The following KLHDC1 variants were observed in gnomAD, a reference collection of about 807,000 sequenced individuals.
The protein encoded by KLHDC1 is kelch domain containing 1, also known as kelch domain-containing protein 1.
Under a neutral mutation model 68.3 loss-of-function variants are expected in KLHDC1, and 53 were observed. That is an observed-to-expected ratio of 0.78 (90% CI 0.62 to 0.98). KLHDC1 has a LOEUF of 0.98. Ranked by LOEUF, KLHDC1 falls within the 50% of genes least tolerant of loss-of-function variation. The probability of loss-of-function intolerance (pLI) is 0.00; values close to 1 mark genes in which losing one functional copy is unlikely to be tolerated. For synonymous variants in KLHDC1, 148 were observed against 159.0 expected (o/e 0.93, Z 0.52); for missense variants, 470 against 492.3 (o/e 0.95, Z 0.43).
In KLHDC1 at chr14:49,699,035, G is replaced by T. The variant is rs553808720; in HGVS notation, c.96+5745G>T. 4.0e-5 allele frequency among the ~76,000 whole-genome samples: 6 copies of T among 151,462 alleles called. No individual in the cohort carries two copies. In the South Asian group the frequency reaches 1.3e-3, roughly 32 times the overall value. On this transcript the variant is annotated intron_variant, in intron 1 of 12. Transcript: ENST00000359332. Reference sequence around the variant, plus strand: ...AAAAAATAGCCAGGCGTGGTGGCACGTGCCTGTAATCCCAGCTAATCTGGA... The same window carrying T: ...AAAAAATAGCCAGGCGTGGTGGCACTTGCCTGTAATCCCAGCTAATCTGGA...
Position 49,711,257 on chromosome 14 carries a change from A to G in KLHDC1, c.404+876A>G, listed in dbSNP as rs1336464468. Reference sequence around the variant, plus strand: ...CGCTCTGTCGCCTAGGCTGGAGCGCAGTGGCGCAATCTCGGCTCACTGCAA... The same window carrying G: ...CGCTCTGTCGCCTAGGCTGGAGCGCGGTGGCGCAATCTCGGCTCACTGCAA... On this transcript the variant is annotated intron_variant, in intron 4 of 12. Coordinates refer to ENST00000359332, the MANE Select transcript of KLHDC1 (RefSeq NM_172193.3). Among the ~76,000 whole-genome samples the G allele has an allele frequency of 2.6e-5, 4 of 152,210 alleles. No individual in the cohort carries two copies. The East Asian group carries it at 5.8e-4, about 22-fold the overall frequency.
intron 1 of KLHDC1, among the ~76,000 whole-genome samples, chr14:49,701,696 T>C (rs1887911354): frequency 6.6e-6 from 1 of 151,630 alleles, no homozygotes; most frequent in Non-Finnish European, 1.5e-5. Context: ...AAAACTGATT[T>C]TTAAACACCA....
chr14:49,727,109 G>A (rs138930091), intron 6 of KLHDC1, among the ~76,000 whole-genome samples: 1,679 of 152,176 alleles, frequency 0.011, 18 homozygotes, highest in Non-Finnish European at 0.016. Context: ...TTAGCTGGGC[G>A]TGGCGGCATG....
At chr14:49,715,053 AT>A (rs1238212766) in intron 4 of KLHDC1, among the ~76,000 whole-genome samples, 1 of 147,522 alleles carries the variant, frequency 6.8e-6, no homozygotes, top group African/African-American at 2.5e-5. Context: ...CTTAATATAT[AT>A]TATATATGTT....
At chr14:49,745,958 G>C (rs989363055) in intron 12 of KLHDC1, among the ~76,000 whole-genome samples, 1 of 152,154 alleles carries the variant, frequency 6.6e-6, no homozygotes, top group African/African-American at 2.4e-5. Flanking sequence ...AAAATTGAAG[G>C]GATATGTGAC....
chr14:49,747,748 A>G (rs1227503814), intron 12 of KLHDC1, among the ~76,000 whole-genome samples: 1 of 152,138 alleles, frequency 6.6e-6, no homozygotes, highest in Admixed American at 6.6e-5. Context: ...TGTCTGCGGG[A>G]TATATAACAA....
chr14:49,744,521 G>A (rs897672243), intron 12 of KLHDC1, among the ~76,000 whole-genome samples: 1 of 151,904 alleles, frequency 6.6e-6, no homozygotes, highest in African/African-American at 2.4e-5. Flanking sequence ...GTGGGGATCG[G>A]TTCCAGGAAA....
At chr14:49,722,401 G>T (rs866121212) in intron 4 of KLHDC1, among the ~76,000 whole-genome samples, 6 of 152,142 alleles carry the variant, frequency 3.9e-5, no homozygotes, top group Non-Finnish European at 5.9e-5. Flanking sequence ...TTGCTGAGAA[G>T]GATGGTTTCC....
chr14:49,723,961 GT>G lies in KLHDC1; in HGVS notation c.483+10del. 6.5e-7 allele frequency: 1 copy of G among 1,528,778 alleles called. No homozygotes were observed. The highest frequency in any genetic ancestry group is 9.0e-7 in the Non-Finnish European group (1 of 1,108,842). 94.7% of individuals were successfully genotyped at this position (1,528,778 alleles called of 1,614,324 possible). A position where few individuals can be genotyped will look rare whatever the true frequency, so the allele number is the denominator to read the frequency against. On this transcript the variant is annotated intron_variant, in intron 5 of 12. Transcript: ENST00000359332. ...TTCATGATGCATCTTGGGTAAGATA[GT>G]AATCACTGTTTACATTTTCCTCCAA...
intron 3 of KLHDC1, among the ~76,000 whole-genome samples, 165 bp downstream of exon 3, chr14:49,709,991 C>T (rs1888157271): frequency 6.6e-6 from 1 of 152,112 alleles, no homozygotes; most frequent in South Asian, 2.1e-4. Context: ...CTGCTCTTCT[C>T]TTCTTCTGTG....
intron 4 of KLHDC1, among the ~76,000 whole-genome samples, chr14:49,714,921 C>T (rs1888330516): frequency 6.9e-6 from 1 of 145,092 alleles, no homozygotes; most frequent in African/African-American, 2.5e-5. Flanking sequence ...ACTTTATTTC[C>T]ATATATATGG....
intron 12 of KLHDC1, 120 bp downstream of exon 12, chr14:49,743,925 CACATCTTCCTAA>C: frequency 1.7e-6 from 1 of 606,056 alleles, no homozygotes; most frequent in Non-Finnish European, 2.9e-6. Flanking sequence ...AGAATATGTT[CACATCTTCCTAA>C]GAGTATAATC....
intron 1 of KLHDC1, among the ~76,000 whole-genome samples, chr14:49,695,447 A>G (rs998910430): frequency 6.6e-5 from 10 of 152,178 alleles, no homozygotes; most frequent in African/African-American, 1.2e-4. Flanking sequence ...TGTGTTGTCA[A>G]TGAGCAGTGA....
At position 49,728,975 on chromosome 14, in the gene KLHDC1, G is replaced by C; in HGVS notation, c.617G>C (p.Gly206Ala). 6.2e-7 allele frequency: 1 copy of C among 1,613,782 alleles called. No homozygotes were observed. Among genetic ancestry groups the C allele is most frequent in the Non-Finnish European group, 8.5e-7 (1 of 1,179,710 alleles). Residue 206 changes from glycine to alanine, a missense_variant, in exon 7 of 13, where the codon GGA becomes GCA. Gly to Ala is a moderately conservative substitution (Grantham distance 60, BLOSUM62 0). Transcript: ENST00000359332. ...PRAAHTCAVL[G>A]NKGYIFGGRV... ...GCCGCGCATACATGTGCAGTTCTTG[G>C]AAATAAGGGTTATATCTTTGGCGGA...
In KLHDC1 at chr14:49,733,404, A is replaced by G. The variant is rs547756628; in HGVS notation, c.823+588A>G. ...TTGACTTCTTAATTTGGCATGTTAG[A>G]TGTTTTATGTTTTCTATTTTCTTTT... On this transcript the variant is annotated intron_variant, in intron 9 of 12. Coordinates refer to ENST00000359332, the MANE Select transcript of KLHDC1 (RefSeq NM_172193.3). Among the ~76,000 whole-genome samples, 7 of 150,816 alleles carry G rather than the reference A, an allele frequency of 4.6e-5. No individual in the cohort carries two copies. In the East Asian group the frequency reaches 7.8e-4, roughly 17 times the overall value.
In KLHDC1 at chr14:49,739,748, G is replaced by A. The variant is rs866127471; in HGVS notation, c.897-350G>A. ...TATAAAAATATTGAAGGATATAGTA[G>A]AGTTATTAAGAGTCGTCTCTGGCTG... is the stretch of plus-strand genomic sequence containing the variant. On this transcript the variant is annotated intron_variant, in intron 10 of 12. Transcript: ENST00000359332. Among the ~76,000 whole-genome samples, 35 of 152,252 alleles carry A rather than the reference G, an allele frequency of 2.3e-4. No individual in the cohort carries two copies. In the Middle Eastern group the frequency reaches 0.014, roughly 59 times the overall value.
chr14:49,699,524 T>G (rs1429097540), intron 1 of KLHDC1, among the ~76,000 whole-genome samples: 3 of 152,166 alleles, frequency 2.0e-5, no homozygotes, highest in African/African-American at 7.2e-5. Context: ...TAAAAGGCCC[T>G]GGGATCTGGT....
chr14:49,722,467 A>G (rs914265435), intron 4 of KLHDC1, among the ~76,000 whole-genome samples: 1 of 152,176 alleles, frequency 6.6e-6, no homozygotes, highest in Admixed American at 6.5e-5. Context: ...ATGGCTGCAT[A>G]GTATTCCATG....
chr14:49,709,573 C>A, intron 2 of KLHDC1, 136 bp from the exon 3 acceptor site: 1 of 463,490 alleles, frequency 2.2e-6, no homozygotes, highest in Non-Finnish European at 3.8e-6. Flanking sequence ...AGAGTTTTTA[C>A]ATTATTGGCC....
Sources: gnomAD v4.1 joint callset for allele counts (sites outside exome capture counted in the v4.1 genomes callset) on GRCh38, gnomAD v4.1.1 for gene constraint, MANE v1.5 for transcripts, NCBI Gene and HGNC (gene_info 2026-07-23, HGNC 2026-07-21) for gene names.